The following VRK2 variants were observed in gnomAD, a reference collection of about 807,000 sequenced individuals.
VRK2 encodes serine/threonine-protein kinase VRK2.
A neutral mutation model predicts 57.6 loss-of-function variants in VRK2; 60 were observed. The observed-to-expected ratio is 1.04, with a 90% CI of 0.85 to 1.29. The LOEUF (loss-of-function observed/expected upper bound fraction) is 1.29, where lower values mean the gene tolerates loss of function less well. Among genes scored for constraint, VRK2 ranks in the 50% most tolerant of loss-of-function variants. VRK2 has a pLI of 0.00. For missense variants in VRK2, 705 were observed against 588.1 expected (o/e 1.20, Z -2.06); for synonymous variants, 231 against 199.2 (o/e 1.16, Z -1.35).
At chr2:58,082,305 T>C (rs1379888308) in intron 2 of VRK2, among the ~76,000 whole-genome samples, 6 of 151,910 alleles carry the variant, frequency 3.9e-5, no homozygotes, top group Non-Finnish European at 7.4e-5. Context: ...TAATCTGTTA[T>C]TTATCTTTTT....
At chr2:57,954,502 G>A (rs1287295663) in intron 1 of VRK2, among the ~76,000 whole-genome samples, 3 of 151,812 alleles carry the variant, frequency 2.0e-5, no homozygotes, top group Non-Finnish European at 4.4e-5. Flanking sequence ...TTTCCATTCT[G>A]CAAAAGCTGA....
At chr2:57,985,165 A>C (rs951163004) in intron 1 of VRK2, among the ~76,000 whole-genome samples, 1 of 152,066 alleles carries the variant, frequency 6.6e-6, no homozygotes, top group African/African-American at 2.4e-5. Flanking sequence ...TAATAGTTAA[A>C]TTTTGAATTA....
At chr2:58,115,471 G>C (rs1341427653) in intron 7 of VRK2, among the ~76,000 whole-genome samples, 1 of 152,170 alleles carries the variant, frequency 6.6e-6, no homozygotes, top group Non-Finnish European at 1.5e-5. Flanking sequence ...TGATTTTTTA[G>C]GGCCTCTAAC....
intron 7 of VRK2, among the ~76,000 whole-genome samples, chr2:58,098,799 C>T (rs987519638): frequency 1.3e-5 from 2 of 152,012 alleles, no homozygotes; most frequent in African/African-American, 2.4e-5. Flanking sequence ...AGAAGTGATA[C>T]GTCTTAAGAA....
intron 2 of VRK2, among the ~76,000 whole-genome samples, chr2:58,082,541 T>C (rs1043156446): frequency 2.6e-5 from 4 of 151,850 alleles, no homozygotes; most frequent in Non-Finnish European, 5.9e-5. Flanking sequence ...GTAAAATAGT[T>C]TGTCATAGGG....
intron 10 of VRK2, among the ~76,000 whole-genome samples, chr2:58,136,841 ATATT>A (rs1333482010): frequency 3.7e-5 from 5 of 134,444 alleles, no homozygotes; most frequent in African/African-American, 1.6e-4. Flanking sequence ...TATATCATAT[ATATT>A]ATATCATATA....
intron 12 of VRK2, among the ~76,000 whole-genome samples, chr2:58,158,851 T>TAAC (rs1359075922): frequency 1.3e-5 from 2 of 152,164 alleles, no homozygotes; most frequent in Admixed American, 6.5e-5. Context: ...CCAAGAGACA[T>TAAC]AACACTATAG....
chr2:58,034,709 A>T (rs72949151), intron 3 of VRK2, among the ~76,000 whole-genome samples: 3,125 of 151,950 alleles, frequency 0.021, 125 homozygotes, highest in African/African-American at 0.072. Context: ...AGCATCTCTC[A>T]TCTTTGTTCT....
At chr2:58,153,595 T>A (rs1237897514) in intron 12 of VRK2, among the ~76,000 whole-genome samples, 2 of 152,110 alleles carry the variant, frequency 1.3e-5, no homozygotes, top group Non-Finnish European at 2.9e-5. Flanking sequence ...TCTTTTTATA[T>A]GTTGCTGGAT....
At chr2:57,927,521 T>G (rs1670579914) in intron 1 of VRK2, among the ~76,000 whole-genome samples, 4 of 152,142 alleles carry the variant, frequency 2.6e-5, no homozygotes, top group Non-Finnish European at 5.9e-5. Context: ...ATGATCCACC[T>G]GCCTCGGCCT....
intron 12 of VRK2, among the ~76,000 whole-genome samples, chr2:58,149,358 T>C (rs1027639637): frequency 1.3e-5 from 2 of 151,772 alleles, no homozygotes; most frequent in East Asian, 3.8e-4. Flanking sequence ...ATATCAGTTA[T>C]ATTTGATATA....
chr2:58,100,710 G>A (rs1042826466), intron 7 of VRK2, among the ~76,000 whole-genome samples: 3 of 151,548 alleles, frequency 2.0e-5, no homozygotes, highest in South Asian at 4.2e-4. Flanking sequence ...TGAATACATT[G>A]TTTTTGAACT....
At chr2:58,009,747 G>A (rs563130282) in intron 1 of VRK2, among the ~76,000 whole-genome samples, 1 of 151,772 alleles carries the variant, frequency 6.6e-6, no homozygotes, top group African/African-American at 2.4e-5. Flanking sequence ...CAATACAGAT[G>A]CTTAAGAAAA....
chr2:58,085,027 T>C, intron 4 of VRK2, 77 bp downstream of exon 4: 1 of 1,338,506 alleles, frequency 7.5e-7, no homozygotes, highest in Non-Finnish European at 1.0e-6. Context: ...GGTCTTTTTC[T>C]GGCCTTCTGG....
At position 58,139,827 on chromosome 2, in the gene VRK2, C is replaced by T; in HGVS notation, c.1018C>T (p.Gln340Ter). 6.2e-7 allele frequency: 1 copy of T among 1,607,490 alleles called. No individual in the cohort carries two copies. The highest frequency in any genetic ancestry group is 8.5e-7 in the Non-Finnish European group (1 of 1,177,180). The change falls in exon 11 of 13, where the codon CAA (glutamine) becomes TAA (stop). Residue 340 changes from glutamine to a stop codon, truncating the protein, a stop_gained. Transcript: ENST00000340157. LOFTEE classifies it high-confidence loss of function. Reference sequence around the variant, plus strand: ...TATAAATGTCCATACTCCAAACAGTCAAAAAGTAAGTAACATAATCCCTGC... The same window carrying T: ...TATAAATGTCCATACTCCAAACAGTTAAAAAGTAAGTAACATAATCCCTGC... The part of the protein sequence containing the change: ...QSINVHTPNS[Q>*]KVDSQKAATK...
At chr2:58,025,061 C>G (rs566086083) in intron 1 of VRK2, among the ~76,000 whole-genome samples, 2 of 152,182 alleles carry the variant, frequency 1.3e-5, no homozygotes, top group South Asian at 4.2e-4. Flanking sequence ...GTTGAGCCAT[C>G]CTTGTCCTTA....
intron 8 of VRK2, among the ~76,000 whole-genome samples, chr2:58,128,609 G>A (rs1678713324): frequency 6.6e-6 from 1 of 152,138 alleles, no homozygotes; most frequent in Non-Finnish European, 1.5e-5. Context: ...TGGGATTACA[G>A]GTATGAGCCA....
intron 7 of VRK2, among the ~76,000 whole-genome samples, chr2:58,116,403 A>G (rs76284405): frequency 4.0e-5 from 6 of 150,728 alleles, no homozygotes; most frequent in Admixed American, 6.6e-5. Context: ...TAATAAGGGA[A>G]CTGGGCAGGT....
chr2:58,104,030 A>C (rs917907496), intron 7 of VRK2, among the ~76,000 whole-genome samples: 3 of 151,972 alleles, frequency 2.0e-5, no homozygotes, highest in Admixed American at 6.6e-5. Flanking sequence ...GCATCTCTTC[A>C]TGATAGAAAC....
Sources: gnomAD v4.1 joint callset for allele counts (sites outside exome capture counted in the v4.1 genomes callset) on GRCh38, gnomAD v4.1.1 for gene constraint, MANE v1.5 for transcripts, NCBI Gene and HGNC (gene_info 2026-07-23, HGNC 2026-07-21) for gene names.